BANK1: variants seen among roughly 807,000 people sequenced by gnomAD.
The protein encoded by BANK1 is B-cell scaffold protein with ankyrin repeats.
Under a neutral mutation model 94.5 loss-of-function variants are expected in BANK1, and 95 were observed. The ratio of observed to expected loss-of-function variants is 1.00; its 90% CI spans 0.85 to 1.19. The LOEUF is 1.19. Ranked by LOEUF, BANK1 falls within the 50% of genes most tolerant of loss-of-function variation. The pLI, the probability that BANK1 is intolerant of heterozygous loss-of-function variation, is 0.00. For missense variants in BANK1, 987 were observed against 932.2 expected (o/e 1.06, Z -0.77); for synonymous variants, 334 against 308.4 (o/e 1.08, Z -0.87).
rs757231478 is a variant in BANK1 at position 102,036,085 on chromosome 4, A to G, written c.1900+5820A>G. On this transcript the variant is annotated intron_variant, in intron 10 of 16. Transcript: ENST00000322953. ...CAATTTTCTATTTTCCTCACACACA[A>G]TTAATAGAACAAAGATCTTTCTTCA... Among the ~76,000 whole-genome samples the G allele has an allele frequency of 2.8e-4, 42 of 152,330 alleles. No homozygotes were observed. The Middle Eastern group carries it at 0.01, about 37-fold the overall frequency.
chr4:101,837,194 C>CAGT (rs1413745080), intron 2 of BANK1, among the ~76,000 whole-genome samples: 26 of 152,134 alleles, frequency 1.7e-4, no homozygotes, highest in African/African-American at 6.3e-4. Flanking sequence ...AGACAATAAT[C>CAGT]AATTCTATCA....
At chr4:101,962,853 A>G (rs1724619806) in intron 7 of BANK1, among the ~76,000 whole-genome samples, 1 of 152,014 alleles carries the variant, frequency 6.6e-6, no homozygotes, top group South Asian at 2.1e-4. Flanking sequence ...GTTTCCAGAC[A>G]TTTTTTAATT....
chr4:102,006,493 CT>C (rs1365199086), intron 7 of BANK1, among the ~76,000 whole-genome samples: 1 of 151,974 alleles, frequency 6.6e-6, no homozygotes. Context: ...TTAAAATTGT[CT>C]TTGGTATCAA....
At chr4:101,896,025 C>T (rs1722064537) in intron 6 of BANK1, among the ~76,000 whole-genome samples, 1 of 151,808 alleles carries the variant, frequency 6.6e-6, no homozygotes, top group South Asian at 2.1e-4. Context: ...TTGGGTTGTG[C>T]AATTTCAAAT....
intron 7 of BANK1, among the ~76,000 whole-genome samples, chr4:101,928,653 A>G (rs1314323928): frequency 6.6e-6 from 1 of 151,732 alleles, no homozygotes; most frequent in Non-Finnish European, 1.5e-5. Context: ...ACTCTCTATT[A>G]TAAGAATGGG....
At chr4:102,043,938 A>G in intron 11 of BANK1, 31 bp downstream of exon 11, 1 of 1,318,108 alleles carries the variant, frequency 7.6e-7, no homozygotes, top group Non-Finnish European at 1.1e-6. Context: ...CTATTTAGTA[A>G]TCTCTAGGTA....
chr4:101,800,755 T>C (rs1013352170), intron 1 of BANK1, among the ~76,000 whole-genome samples: 1 of 152,236 alleles, frequency 6.6e-6, no homozygotes, highest in Non-Finnish European at 1.5e-5. Flanking sequence ...AGATTTGTTT[T>C]TAAATTTTTC....
intron 2 of BANK1, among the ~76,000 whole-genome samples, chr4:101,841,886 T>C (rs774964465): frequency 4.8e-4 from 73 of 151,280 alleles, no homozygotes; most frequent in Non-Finnish European, 1.9e-4. Context: ...TTTGGTTTTT[T>C]GGTAATAATC....
intron 4 of BANK1, among the ~76,000 whole-genome samples, chr4:101,869,951 G>A (rs761830578): frequency 4.6e-5 from 7 of 151,964 alleles, no homozygotes; most frequent in Middle Eastern, 6.8e-3. Context: ...TCTCAAAAAG[G>A]CTTTGGATGA....
intron 2 of BANK1, among the ~76,000 whole-genome samples, chr4:101,853,710 AC>A (rs1275263359): frequency 6.6e-6 from 1 of 152,126 alleles, no homozygotes; most frequent in Non-Finnish European, 1.5e-5. Flanking sequence ...GAAGTAACGG[AC>A]CAACTTTTCT....
intron 7 of BANK1, among the ~76,000 whole-genome samples, chr4:102,010,185 A>T (rs1726450120): frequency 6.6e-6 from 1 of 151,734 alleles, no homozygotes; most frequent in South Asian, 2.1e-4. Context: ...GAATGGCGTG[A>T]ACCCGGGAGG....
chr4:101,954,007 G>A (rs1433144029), intron 7 of BANK1, among the ~76,000 whole-genome samples: 1 of 151,978 alleles, frequency 6.6e-6, no homozygotes, highest in Non-Finnish European at 1.5e-5. Context: ...TGCAGAGTTT[G>A]TTCTTTCTGG....
At chr4:101,955,949 G>A (rs1357254823) in intron 7 of BANK1, among the ~76,000 whole-genome samples, 1 of 152,070 alleles carries the variant, frequency 6.6e-6, no homozygotes, top group Non-Finnish European at 1.5e-5. Flanking sequence ...AATAATTGAT[G>A]TAGAACATAC....
chr4:101,794,528 A>G (rs1363980359), intron 1 of BANK1, among the ~76,000 whole-genome samples: 4 of 152,092 alleles, frequency 2.6e-5, no homozygotes, highest in Non-Finnish European at 4.4e-5. Context: ...GAAAAGGCAA[A>G]CATTTCATAA....
chr4:101,805,613 C>T (rs1725524157), intron 1 of BANK1, among the ~76,000 whole-genome samples: 1 of 149,074 alleles, frequency 6.7e-6, no homozygotes, highest in African/African-American at 2.4e-5. Context: ...ACATTATATA[C>T]ATTATGTATT....
At position 102,030,199 on chromosome 4, in the gene BANK1, C is replaced by T. The variant is rs1727245282; in HGVS notation, c.1834C>T (p.Pro612Ser). The change falls in exon 10 of 17, where the codon CCT becomes TCT. Residue 612 changes from proline (P) to serine (S), a missense_variant. Transcript: ENST00000322953. Reference sequence around the variant, plus strand: ...TCGGTCTTTCATTATAAATAGACCTCCTGCCCCCACACCCCGACCCACAAG... The same window carrying T: ...TCGGTCTTTCATTATAAATAGACCTTCTGCCCCCACACCCCGACCCACAAG... ...GSRSFIINRP[P>S]APTPRPTSIP... The T allele has an allele frequency of 6.2e-7, 1 of 1,613,694 alleles. No homozygotes were observed. The highest frequency in any genetic ancestry group is 2.2e-5 in the East Asian group (1 of 44,866).
chr4:101,929,681 A>T (rs1723281053), intron 7 of BANK1, among the ~76,000 whole-genome samples: 1 of 151,432 alleles, frequency 6.6e-6, no homozygotes, highest in South Asian at 2.1e-4. Flanking sequence ...GTTCTCAGAA[A>T]AATTTAAGTT....
chr4:102,017,254 C>G (rs1726735432), intron 7 of BANK1, among the ~76,000 whole-genome samples: 1 of 152,158 alleles, frequency 6.6e-6, no homozygotes, highest in African/African-American at 2.4e-5. Context: ...ATTTTAGTGA[C>G]AGAGATGGTC....
intron 10 of BANK1, among the ~76,000 whole-genome samples, chr4:102,035,726 G>A (rs927920998): frequency 3.3e-5 from 5 of 150,820 alleles, no homozygotes; most frequent in African/African-American, 1.2e-4. Context: ...TCCCATTGCT[G>A]TTGTACTAAG....
Sources: allele counts gnomAD v4.1 joint callset (sites outside exome capture counted in the v4.1 genomes callset), GRCh38; gene constraint gnomAD v4.1.1; transcripts MANE v1.5; gene names NCBI Gene and HGNC (gene_info 2026-07-23, HGNC 2026-07-21).